Variants in GAREM1 observed in about 807,000 individuals in gnomAD.
GAREM1 encodes GRB2-associated and regulator of MAPK protein 1.
Under a neutral mutation model 71.3 loss-of-function variants are expected in GAREM1, and 26 were observed. The ratio of observed to expected loss-of-function variants is 0.36; its 90% CI spans 0.27 to 0.51. The LOEUF is 0.51. Ranked by LOEUF, GAREM1 falls within the 20% of genes least tolerant of loss-of-function variation. The probability of loss-of-function intolerance (pLI) is 0.95; values close to 1 mark genes in which losing one functional copy is unlikely to be tolerated. For synonymous variants in GAREM1, 440 were observed against 433.2 expected (o/e 1.02, Z -0.20); for missense variants, 1,026 against 1,103.1 (o/e 0.93, Z 0.99).
At chr18:32,411,508 C>A (rs1189680110) in intron 1 of GAREM1, among the ~76,000 whole-genome samples, 1 of 149,516 alleles carries the variant, frequency 6.7e-6, no homozygotes, top group Non-Finnish European at 1.5e-5. Context: ...TTTTTTCATT[C>A]AAGAGAATTA....
intron 2 of GAREM1, among the ~76,000 whole-genome samples, chr18:32,352,587 T>C (rs112801737): frequency 1.3e-5 from 2 of 152,010 alleles, no homozygotes; most frequent in South Asian, 2.1e-4. Context: ...GGGTAATGAA[T>C]TGAGATAAAG....
Position 32,314,288 on chromosome 18 carries a change from C to T in GAREM1, c.263-3965G>A, listed in dbSNP as rs1167972989. On this transcript the variant is annotated intron_variant, in intron 2 of 5. Transcript: ENST00000269209. ...CTCCATGCAATGACACCCATGTCTGCATACCATTTCATAATGGATTTAACT... is the reference window on the plus strand; with the variant it reads ...CTCCATGCAATGACACCCATGTCTGTATACCATTTCATAATGGATTTAACT... 2.0e-5 allele frequency among the ~76,000 whole-genome samples: 3 copies of T among 152,122 alleles called. No individual in the cohort carries two copies. The East Asian group carries it at 5.8e-4, about 29-fold the overall frequency.
intron 1 of GAREM1, among the ~76,000 whole-genome samples, chr18:32,413,798 A>G (rs1294253956): frequency 6.6e-6 from 1 of 152,188 alleles, no homozygotes; most frequent in Non-Finnish European, 1.5e-5. Flanking sequence ...AACAAACCCC[A>G]GGAGTTTACA....
chr18:32,368,531 T>A (rs1175813677), intron 2 of GAREM1, among the ~76,000 whole-genome samples: 1 of 152,154 alleles, frequency 6.6e-6, no homozygotes, highest in East Asian at 1.9e-4. Context: ...GTAAAAACAC[T>A]AGTCTCCTTT....
In GAREM1 at chr18:32,268,163, G is replaced by A. The variant is rs754848156; in HGVS notation, c.2339C>T (p.Ser780Phe). 9.7e-5 allele frequency: 156 copies of A among 1,614,002 alleles called. No homozygotes were observed. The highest frequency in any genetic ancestry group is 1.3e-4 in the Non-Finnish European group (150 of 1,180,032). ...ATGGAGCGGAGATGAGAAAGGGTAG[G>A]AGGCAGAGAAGATGTCCTGCATGCC... ...KKGMQDIFSA[S>F]YPFSSPLHLQ... The change falls in exon 6 of 6, where the codon TCC becomes TTC. Residue 780 changes from serine to phenylalanine, a missense_variant. Transcript: ENST00000269209.
At chr18:32,385,827 A>T (rs2048142257) in intron 2 of GAREM1, among the ~76,000 whole-genome samples, 1 of 152,068 alleles carries the variant, frequency 6.6e-6, no homozygotes, top group Non-Finnish European at 1.5e-5. Flanking sequence ...AACATCTCTA[A>T]ACCTCAGCTT....
At position 32,287,912 on chromosome 18, in the gene GAREM1, T is replaced by C; in HGVS notation, c.685A>G (p.Met229Val). ...CGGATGGTGTGTTCGCCCTCTTGCA[T>C]CTGAAGTTCCAGGGGACTTCGGGTG... ...FSTRSPLELQ[M>V]QEGEHTIRNI... The change falls in exon 4 of 6, where the codon ATG becomes GTG. Residue 229 changes from methionine (M) to valine (V), a missense_variant. Physicochemically the swap from Met to Val is conservative, Grantham distance 21 (BLOSUM62 1). This residue lies in a region of GAREM1 where 218 missense variants were observed against 296.8 expected (regional missense o/e 0.73). Transcript: ENST00000269209. This position sits in a 1 kb window ranked among gnomAD's most constrained non-coding sequence, Gnocchi z 5.9. 1.2e-6 allele frequency: 2 copies of C among 1,614,030 alleles called. No individual in the cohort carries two copies. Among genetic ancestry groups the C allele is most frequent in the African/African-American group, 1.3e-5 (1 of 74,984 alleles).
rs549351229 is a variant in GAREM1 at position 32,332,113 on chromosome 18, C to T, written c.263-21790G>A. On this transcript the variant is annotated intron_variant, in intron 2 of 5. Transcript: ENST00000269209. ...ACTTGCGTCCTCTTCCTCTTTTATC[C>T]TCCCTTTTTGGAGTGCTAAGACTTT... Among the ~76,000 whole-genome samples the T allele has an allele frequency of 8.5e-4, 129 of 151,716 alleles. 1 individual carries two copies. Among genetic ancestry groups the T allele is most frequent in the African/African-American group, 2.6e-3 (107 of 41,330 alleles).
At chr18:32,271,190 A>T (rs1372221376) in intron 4 of GAREM1, among the ~76,000 whole-genome samples, 1 of 151,314 alleles carries the variant, frequency 6.6e-6, no homozygotes, top group African/African-American at 2.4e-5. Context: ...TAATTTTTTT[A>T]ATTTATTTTT....
intron 1 of GAREM1, among the ~76,000 whole-genome samples, chr18:32,441,512 A>T (rs1178964077): frequency 6.6e-6 from 1 of 152,218 alleles, no homozygotes; most frequent in Non-Finnish European, 1.5e-5. Flanking sequence ...AGATAAGTAA[A>T]GCTGCAACAT....
chr18:32,437,051 ATG>A (rs1356082716), intron 1 of GAREM1, among the ~76,000 whole-genome samples: 1 of 152,226 alleles, frequency 6.6e-6, no homozygotes, highest in African/African-American at 2.4e-5. Context: ...TAACTCTATA[ATG>A]TTCTTCATTT....
intron 2 of GAREM1, among the ~76,000 whole-genome samples, chr18:32,342,218 T>A (rs969075450): frequency 6.6e-6 from 1 of 152,170 alleles, no homozygotes; most frequent in Non-Finnish European, 1.5e-5. Flanking sequence ...GCGCAGAGGT[T>A]AAGCATCTTG....
rs1396845302 is a variant in GAREM1, at chr18:32,470,509, G to A, written c.-81C>T. On this transcript the variant is annotated 5_prime_UTR_variant, in exon 1 of 6. Transcript: ENST00000269209. This position sits in a 1 kb window ranked among gnomAD's most constrained non-coding sequence, Gnocchi z 4.4. ...CGCCTCGGCGGCCGCCGCTGCTCGC[G>A]CTCGCGGTCTGGGGCGCGCGGGAGG... The A allele has an allele frequency of 3.8e-6, 4 of 1,056,428 alleles. No individual in the cohort carries two copies. The highest frequency in any genetic ancestry group is 1.1e-4 in the East Asian group (2 of 17,450). The allele number at this position is 1,056,428 out of a possible 1,614,324, so 65.4% of individuals were successfully genotyped here. A position where few individuals can be genotyped will look rare whatever the true frequency, so the allele number is the denominator to read the frequency against.
At chr18:32,383,213 A>G (rs2048114105) in intron 2 of GAREM1, among the ~76,000 whole-genome samples, 1 of 152,232 alleles carries the variant, frequency 6.6e-6, no homozygotes, top group Admixed American at 6.5e-5. Flanking sequence ...CAACACAGAC[A>G]CGTCTGAATC....
At chr18:32,360,302 T>C (rs2047853613) in intron 2 of GAREM1, among the ~76,000 whole-genome samples, 1 of 152,162 alleles carries the variant, frequency 6.6e-6, no homozygotes, top group Admixed American at 6.5e-5. Flanking sequence ...GGTTCCTATA[T>C]GGTATTTCTT....
In GAREM1 at chr18:32,429,820, G is replaced by A. The variant is rs184850822; in HGVS notation, c.122-36785C>T. ...CACCTTCCTGGTGCAGAGGAGGAAT[G>A]ACATTCTTTAATCTTAATTGCTGTT... On this transcript the variant is annotated intron_variant, in intron 1 of 5. Coordinates refer to ENST00000269209, the MANE Select transcript of GAREM1 (RefSeq NM_001242409.2). Among the ~76,000 whole-genome samples, 161 of 152,298 alleles carry A rather than the reference G, an allele frequency of 1.1e-3. 1 individual carries two copies. The highest frequency in any genetic ancestry group is 4.5e-3 in the Admixed American group (69 of 15,302).
chr18:32,287,830 G>A lies in GAREM1; in HGVS notation c.767C>T (p.Pro256Leu). The stretch of plus-strand genomic sequence containing the variant: ...GAAGTGGAGGTCGTATGGGTTTCTC[G>A]GTGGAGGGCTTGGCACAGTCACATT... ...PVNVTVPSPP[P>L]RNPYDLHFIR... is the part of the protein sequence containing the mutation. The change falls in exon 4 of 6, where the codon CCG (proline) becomes CTG (leucine). Residue 256 changes from proline (P) to leucine (L), a missense_variant. Pro to Leu is a moderately conservative substitution (Grantham distance 98, BLOSUM62 -3). Around this residue, in one of 3 missense-constraint regions of GAREM1, gnomAD observed 218 missense variants for 296.8 expected, o/e 0.73. Coordinates refer to ENST00000269209, the MANE Select transcript of GAREM1 (RefSeq NM_001242409.2). The surrounding 1 kb of genome is among the most constrained non-coding windows in gnomAD (Gnocchi z 5.9). 1.9e-6 allele frequency: 3 copies of A among 1,613,888 alleles called. No homozygotes were observed. Among genetic ancestry groups the A allele is most frequent in the Non-Finnish European group, 2.5e-6 (3 of 1,179,976 alleles).
chr18:32,276,273 C>T lies in GAREM1; in HGVS notation c.1567-5890G>A, dbSNP rs545093857. On this transcript the variant is annotated intron_variant, in intron 4 of 5. Coordinates refer to ENST00000269209, the MANE Select transcript of GAREM1 (RefSeq NM_001242409.2). ...GGTGTCTGTCCTGGGGGCTGATGGC[C>T]GGGATCACAAGCATCGACTTCCACC... Among the ~76,000 whole-genome samples, 20 of 152,260 alleles carry T rather than the reference C, an allele frequency of 1.3e-4. No individual in the cohort carries two copies. The South Asian group carries it at 3.7e-3, about 28-fold the overall frequency.
intron 2 of GAREM1, among the ~76,000 whole-genome samples, chr18:32,351,746 A>C: frequency 6.6e-6 from 1 of 151,942 alleles, no homozygotes; most frequent in Non-Finnish European, 1.5e-5. Context: ...TCACTAAAAC[A>C]ATTATGTGAA....
Sources: allele counts gnomAD v4.1 joint callset (sites outside exome capture counted in the v4.1 genomes callset), GRCh38; gene constraint gnomAD v4.1.1; regional missense constraint gnomAD v4.1.1; non-coding constraint Gnocchi (gnomAD v3.1); transcripts MANE v1.5; gene names NCBI Gene and HGNC (gene_info 2026-07-23, HGNC 2026-07-21).